Variants in SEMA5A observed in about 807,000 individuals in gnomAD.
The protein encoded by SEMA5A is semaphorin-5A.
SEMA5A carries 55 observed loss-of-function variants against 135.5 expected under a neutral mutation model. That is an observed-to-expected ratio of 0.41 (90% CI 0.33 to 0.51). SEMA5A has a LOEUF of 0.51. Ranked by LOEUF, SEMA5A falls within the 20% of genes least tolerant of loss-of-function variation. SEMA5A has a pLI of 0.37. For synonymous variants in SEMA5A, 580 were observed against 546.5 expected (o/e 1.06, Z -0.85); for missense variants, 1,290 against 1,419.9 (o/e 0.91, Z 1.47).
At chr5:9,049,666 G>A (rs571458767) in intron 21 of SEMA5A, among the ~76,000 whole-genome samples, 1 of 152,198 alleles carries the variant, frequency 6.6e-6, no homozygotes, top group Non-Finnish European at 1.5e-5. Context: ...TGGAAGTTAA[G>A]GTCTCAATGT....
At chr5:9,091,578 C>T (rs1402020918) in intron 16 of SEMA5A, among the ~76,000 whole-genome samples, 4 of 152,096 alleles carry the variant, frequency 2.6e-5, no homozygotes, top group African/African-American at 9.7e-5. Flanking sequence ...CACAATGGGT[C>T]GGAATTATTT....
chr5:9,384,343 G>A (rs1755737275), intron 2 of SEMA5A, among the ~76,000 whole-genome samples: 1 of 151,944 alleles, frequency 6.6e-6, no homozygotes. Flanking sequence ...GGCTTTTAGT[G>A]CTCACGCTCA....
At chr5:9,213,153 T>G (rs991317094) in intron 8 of SEMA5A, among the ~76,000 whole-genome samples, 1 of 152,152 alleles carries the variant, frequency 6.6e-6, no homozygotes. Context: ...CCTAATCAGC[T>G]CTCAAATGCC....
intron 13 of SEMA5A, among the ~76,000 whole-genome samples, chr5:9,126,259 G>T (rs1741105219): frequency 6.6e-6 from 1 of 152,102 alleles, no homozygotes; most frequent in Admixed American, 6.5e-5. Context: ...GGTGGCTGGA[G>T]CAATCCTTAG....
chr5:9,279,548 C>A (rs749603282), intron 5 of SEMA5A, among the ~76,000 whole-genome samples: 1 of 152,000 alleles, frequency 6.6e-6, no homozygotes, highest in Non-Finnish European at 1.5e-5. Flanking sequence ...GGGGCTGGGG[C>A]AGAATGATAT....
intron 16 of SEMA5A, among the ~76,000 whole-genome samples, chr5:9,077,124 C>T (rs1738111112): frequency 6.6e-6 from 1 of 152,108 alleles, no homozygotes; most frequent in Non-Finnish European, 1.5e-5. Flanking sequence ...ACCATCCAAT[C>T]CTCTGCAAAA....
chr5:9,375,572 A>C (rs569490706), intron 3 of SEMA5A, among the ~76,000 whole-genome samples: 1 of 149,956 alleles, frequency 6.7e-6, no homozygotes, highest in South Asian at 2.2e-4. Context: ...CCAGAACTGT[A>C]AGAAGAGACA....
At chr5:9,183,355 T>C (rs1208676440) in intron 11 of SEMA5A, among the ~76,000 whole-genome samples, 1 of 151,836 alleles carries the variant, frequency 6.6e-6, no homozygotes, top group Non-Finnish European at 1.5e-5. Context: ...TCATGGAGAG[T>C]TCATCCTCCT....
chr5:9,135,652 T>A (rs148432712), intron 13 of SEMA5A, among the ~76,000 whole-genome samples: 1 of 152,166 alleles, frequency 6.6e-6, no homozygotes, highest in Admixed American at 6.6e-5. Context: ...CACCTCTGTC[T>A]TGCAGAGATA....
intron 11 of SEMA5A, among the ~76,000 whole-genome samples, chr5:9,174,262 C>T (rs1181539430): frequency 6.6e-6 from 1 of 152,154 alleles, no homozygotes; most frequent in African/African-American, 2.4e-5. Flanking sequence ...AGATTTGAGG[C>T]GAGTTTTTTT....
chr5:9,094,410 C>A (rs920076147), intron 16 of SEMA5A, among the ~76,000 whole-genome samples: 3 of 152,190 alleles, frequency 2.0e-5, no homozygotes, highest in Non-Finnish European at 4.4e-5. Context: ...TCTTCCTCTT[C>A]AGTTTCAGAC....
intron 5 of SEMA5A, among the ~76,000 whole-genome samples, chr5:9,259,725 T>C: frequency 7.7e-6 from 1 of 129,462 alleles, no homozygotes; most frequent in Non-Finnish European, 1.6e-5. Flanking sequence ...CCAGAATCTC[T>C]GGGACGCATT....
chr5:9,386,527 C>T (rs1755898247), intron 2 of SEMA5A, among the ~76,000 whole-genome samples: 1 of 152,170 alleles, frequency 6.6e-6, no homozygotes, highest in Non-Finnish European at 1.5e-5. Context: ...CACATCTGCA[C>T]CCTTGCTGAT....
chr5:9,272,667 C>T (rs548572890), intron 5 of SEMA5A, among the ~76,000 whole-genome samples: 9 of 152,256 alleles, frequency 5.9e-5, no homozygotes, highest in African/African-American at 1.9e-4. Context: ...GAGGAAGGAA[C>T]AGGCAGCAAT....
chr5:9,443,891 G>A (rs1228641491), intron 1 of SEMA5A, among the ~76,000 whole-genome samples: 1 of 152,222 alleles, frequency 6.6e-6, no homozygotes, highest in East Asian at 1.9e-4. Flanking sequence ...AAAGCTTGAG[G>A]TGATGAAGAA....
At chr5:9,273,183 G>A (rs1002269469) in intron 5 of SEMA5A, among the ~76,000 whole-genome samples, 2 of 152,048 alleles carry the variant, frequency 1.3e-5, no homozygotes, top group African/African-American at 4.8e-5. Context: ...AGAGAAATTC[G>A]TGAAGCATAC....
intron 5 of SEMA5A, among the ~76,000 whole-genome samples, chr5:9,264,668 G>C (rs1027335244): frequency 6.6e-6 from 1 of 152,000 alleles, no homozygotes; most frequent in Non-Finnish European, 1.5e-5. Flanking sequence ...CTCCCACCCT[G>C]AGGTCACCAG....
At chr5:9,534,996 C>A (rs746763887) in intron 1 of SEMA5A, among the ~76,000 whole-genome samples, 12 of 152,200 alleles carry the variant, frequency 7.9e-5, no homozygotes, top group Non-Finnish European at 1.5e-4. Flanking sequence ...TACATTGACT[C>A]CTTGAAGTTG....
At chr5:9,228,928 C>T (rs1035943827) in intron 6 of SEMA5A, among the ~76,000 whole-genome samples, 4 of 152,152 alleles carry the variant, frequency 2.6e-5, no homozygotes, top group Admixed American at 1.3e-4. Context: ...TGCATAGCAT[C>T]GAGACAGCGG....
Sources: gnomAD v4.1 joint callset for allele counts (sites outside exome capture counted in the v4.1 genomes callset) on GRCh38, gnomAD v4.1.1 for gene constraint, MANE v1.5 for transcripts, NCBI Gene and HGNC (gene_info 2026-07-23, HGNC 2026-07-21) for gene names.